DPP10: variants seen among roughly 807,000 people sequenced by gnomAD.
The protein encoded by DPP10 is inactive dipeptidyl peptidase 10.
In DPP10, 33 loss-of-function variants were observed where a neutral mutation model predicts 120.9. The ratio of observed to expected loss-of-function variants is 0.27; its 90% confidence interval spans 0.21 to 0.37. DPP10 has a LOEUF of 0.37. Ranked by LOEUF, DPP10 falls within the 10% of genes least tolerant of loss-of-function variation. The probability of loss-of-function intolerance (pLI) is 1.00; values close to 1 mark genes in which losing one functional copy is unlikely to be tolerated. For missense variants in DPP10, 816 were observed against 942.8 expected, an observed-to-expected ratio of 0.87 and a Z score of 1.76; for synonymous variants, 337 against 326.1, an observed-to-expected ratio of 1.03 and a Z score of -0.36.
intron 1 of DPP10, among the ~76,000 whole-genome samples, chr2:114,563,856 C>G (rs11889529): frequency 2.0e-4 from 30 of 152,250 alleles, no homozygotes; most frequent in African/African-American, 7.2e-4. Flanking sequence ...CTCACCTTTC[C>G]CGGTGTCCAA....
At chr2:115,817,910 G>C (rs1687430043) in intron 21 of DPP10, among the ~76,000 whole-genome samples, 1 of 152,006 alleles carries the variant, frequency 6.6e-6, no homozygotes, top group Admixed American at 6.5e-5. Context: ...AGAGTGAAAT[G>C]GTTGTTGCCA....
chr2:115,433,451 G>A (rs1717055), intron 3 of DPP10, among the ~76,000 whole-genome samples: 95,165 of 151,890 alleles, frequency 0.63, 30,592 homozygotes, highest in Middle Eastern at 0.74. Context: ...ATAAATACAT[G>A]TACATGTGTG....
intron 5 of DPP10, among the ~76,000 whole-genome samples, chr2:115,628,010 A>G (rs934166059): frequency 6.6e-6 from 1 of 151,860 alleles, no homozygotes; most frequent in Non-Finnish European, 1.5e-5. Context: ...TGGGATTGCT[A>G]GTCAAATGGC....
At chr2:115,772,698 G>T (rs1681621554) in intron 13 of DPP10, among the ~76,000 whole-genome samples, 1 of 152,052 alleles carries the variant, frequency 6.6e-6, no homozygotes, top group Non-Finnish European at 1.5e-5. Context: ...AAAAATATTT[G>T]TTATGTTGAC....
At chr2:114,964,740 G>A (rs185283584) in intron 1 of DPP10, among the ~76,000 whole-genome samples, 39 of 152,114 alleles carry the variant, frequency 2.6e-4, no homozygotes, top group African/African-American at 8.9e-4. Flanking sequence ...GAACCTTTAG[G>A]GTCATGGTGA....
At chr2:115,316,632 A>C (rs2061806956) in intron 2 of DPP10, among the ~76,000 whole-genome samples, 1 of 152,210 alleles carries the variant, frequency 6.6e-6, no homozygotes, top group Non-Finnish European at 1.5e-5. Flanking sequence ...ATGATAAAAT[A>C]TAAGTTCATA....
intron 4 of DPP10, among the ~76,000 whole-genome samples, chr2:115,502,634 T>G (rs983991751): frequency 6.6e-6 from 1 of 152,050 alleles, no homozygotes; most frequent in African/African-American, 2.4e-5. Flanking sequence ...TATAAGGGGG[T>G]TGTAAACATA....
intron 1 of DPP10, among the ~76,000 whole-genome samples, chr2:114,794,053 T>C (rs1191591006): frequency 6.6e-6 from 1 of 152,158 alleles, no homozygotes; most frequent in East Asian, 1.9e-4. Flanking sequence ...TTGCTGCATT[T>C]CTGTCTTTGA....
intron 1 of DPP10, among the ~76,000 whole-genome samples, chr2:114,635,253 C>T (rs1482090791): frequency 6.6e-6 from 1 of 151,616 alleles, no homozygotes; most frequent in Non-Finnish European, 1.5e-5. Flanking sequence ...GTATAAAATC[C>T]TCTTAATAGC....
chr2:114,891,911 C>T (rs1692572824), intron 1 of DPP10, among the ~76,000 whole-genome samples: 1 of 152,304 alleles, frequency 6.6e-6, no homozygotes, highest in African/African-American at 2.4e-5. Context: ...TCCTTCTTGA[C>T]AGGATGTGCC....
intron 1 of DPP10, chr2:115,234,546 T>C (rs1482519497): frequency 2.0e-5 from 3 of 152,616 alleles, no homozygotes; most frequent in Non-Finnish European, 2.9e-5. Flanking sequence ...TTTTCTGTAC[T>C]CTAGTCTGTG....
At chr2:115,158,044 A>G (rs529860881) in intron 1 of DPP10, among the ~76,000 whole-genome samples, 4 of 152,364 alleles carry the variant, frequency 2.6e-5, no homozygotes, top group African/African-American at 9.6e-5. Context: ...ATCCTACTTC[A>G]GAAAATCTCA....
chr2:115,572,735 T>C (rs575562311), intron 5 of DPP10, among the ~76,000 whole-genome samples: 11 of 152,336 alleles, frequency 7.2e-5, no homozygotes, highest in African/African-American at 1.4e-4. Context: ...TGTCAGGGTG[T>C]TGATTTGACA....
intron 19 of DPP10, among the ~76,000 whole-genome samples, chr2:115,800,832 C>T (rs911581488): frequency 6.6e-6 from 1 of 152,076 alleles, no homozygotes; most frequent in Non-Finnish European, 1.5e-5. Context: ...GTTTTGGTTA[C>T]TGTAGCCTTG....
chr2:114,538,002 C>A (rs11887617), intron 1 of DPP10, among the ~76,000 whole-genome samples: 1,876 of 152,300 alleles, frequency 0.012, 29 homozygotes, highest in African/African-American at 0.043. Flanking sequence ...TGGGAAATCC[C>A]TTAACACTAG....
At chr2:114,589,581 T>A (rs1335075896) in intron 1 of DPP10, among the ~76,000 whole-genome samples, 2 of 152,200 alleles carry the variant, frequency 1.3e-5, no homozygotes, top group Non-Finnish European at 2.9e-5. Context: ...AGGGTGGTTA[T>A]AAGTGTGTCT....
At chr2:115,492,145 T>C (rs1328034860) in intron 3 of DPP10, among the ~76,000 whole-genome samples, 2 of 152,156 alleles carry the variant, frequency 1.3e-5, no homozygotes, top group Non-Finnish European at 2.9e-5. Context: ...AAATATTTGC[T>C]GTGATCATTC....
chr2:114,491,327 G>A (rs866017727), intron 1 of DPP10, among the ~76,000 whole-genome samples: 2 of 152,080 alleles, frequency 1.3e-5, no homozygotes, highest in African/African-American at 4.8e-5. Flanking sequence ...ATTATTAATG[G>A]ATTTATATTA....
At chr2:114,521,723 C>G (rs1424028415) in intron 1 of DPP10, among the ~76,000 whole-genome samples, 1 of 151,512 alleles carries the variant, frequency 6.6e-6, no homozygotes, top group Non-Finnish European at 1.5e-5. Context: ...AAAAATCAAG[C>G]TAGTCTAAAA....
Sources: gnomAD v4.1 joint callset for allele counts (sites outside exome capture counted in the v4.1 genomes callset) on GRCh38, gnomAD v4.1.1 for gene constraint, MANE v1.5 for transcripts, NCBI Gene and HGNC (gene_info 2026-07-23, HGNC 2026-07-21) for gene names.